TMOD1: variants seen among roughly 807,000 people sequenced by gnomAD.
The protein encoded by TMOD1 is tropomodulin-1.
In TMOD1, 17 loss-of-function variants were observed where a neutral mutation model predicts 40.6. The observed-to-expected ratio is 0.42, with a 90% CI of 0.29 to 0.63. The LOEUF is 0.63. Ranked by LOEUF, TMOD1 falls within the 20% of genes least tolerant of loss-of-function variation. The pLI is 0.22. For missense variants in TMOD1, 391 were observed against 447.6 expected (o/e 0.87, Z 1.14); for synonymous variants, 181 against 175.0 (o/e 1.03, Z -0.27).
intron 1 of TMOD1, among the ~76,000 whole-genome samples, chr9:97,516,019 C>T (rs1048302553): frequency 7.2e-5 from 11 of 152,276 alleles, no homozygotes; most frequent in African/African-American, 2.6e-4. Context: ...ACTAAGGAAG[C>T]TAAGCCCCCT....
At chr9:97,572,792 C>A (rs2131273290) in intron 8 of TMOD1, among the ~76,000 whole-genome samples, 1 of 152,258 alleles carries the variant, frequency 6.6e-6, no homozygotes, top group South Asian at 2.1e-4. Context: ...TTGGGGAGTT[C>A]TGCCCAGGGT....
chr9:97,559,043 G>A (rs1273222184), intron 4 of TMOD1, among the ~76,000 whole-genome samples: 1 of 152,136 alleles, frequency 6.6e-6, no homozygotes, highest in African/African-American at 2.4e-5. Flanking sequence ...TGTGCCAAAT[G>A]CACTTTCTAT....
intron 2 of TMOD1, among the ~76,000 whole-genome samples, chr9:97,527,089 TTC>T (rs889057538): frequency 1.1e-4 from 17 of 152,130 alleles, no homozygotes; most frequent in African/African-American, 3.4e-4. Context: ...AGCCTTGCAT[TTC>T]TCTTTCTTCC....
chr9:97,597,966 A>G (rs1158928373), intron 9 of TMOD1, among the ~76,000 whole-genome samples: 1 of 152,044 alleles, frequency 6.6e-6, no homozygotes, highest in Non-Finnish European at 1.5e-5. Flanking sequence ...ATGGATATGG[A>G]AACCCTACCC....
intron 8 of TMOD1, among the ~76,000 whole-genome samples, chr9:97,573,225 A>T (rs1830849637): frequency 6.6e-6 from 1 of 152,214 alleles, no homozygotes; most frequent in South Asian, 2.1e-4. Flanking sequence ...AACTCCCCAC[A>T]GAGCTGCTCT....
Position 97,599,731 on chromosome 9 carries a change from G to C in TMOD1, c.*33G>C, listed in dbSNP as rs1358946167. ...CGGTGGAGTCCATGCCTTTGAACTG[G>C]ATGTGTTCTATTGATGACCTGTGCT... On this transcript the variant is annotated 3_prime_UTR_variant, in exon 10 of 10. Coordinates refer to ENST00000259365, the MANE Select transcript of TMOD1 (RefSeq NM_003275.4). 1.2e-6 allele frequency: 2 copies of C among 1,613,904 alleles called. No individual in the cohort carries two copies. Among genetic ancestry groups the C allele is most frequent in the African/African-American group, 1.3e-5 (1 of 75,050 alleles).
chr9:97,520,706 G>A (rs1385853965), intron 1 of TMOD1, among the ~76,000 whole-genome samples: 3 of 152,328 alleles, frequency 2.0e-5, no homozygotes, highest in East Asian at 1.9e-4. Context: ...ACCTTGGGGT[G>A]TGTATGTGGT....
At chr9:97,539,984 A>AG (rs1830251121) in intron 2 of TMOD1, among the ~76,000 whole-genome samples, 1 of 151,492 alleles carries the variant, frequency 6.6e-6, no homozygotes, top group Non-Finnish European at 1.5e-5. Flanking sequence ...AAAAAAAAAA[A>AG]AAAAAAGAAA....
chr9:97,501,605 C>G (rs1829501665), upstream of TMOD1: 1 of 148,980 alleles, frequency 6.7e-6, no homozygotes, highest in Non-Finnish European at 1.5e-5. Context: ...ACAGCCGAGC[C>G]GGGCCCGCCC....
At chr9:97,570,997 A>G (rs913737491) in intron 8 of TMOD1, among the ~76,000 whole-genome samples, 12 of 152,250 alleles carry the variant, frequency 7.9e-5, no homozygotes, top group African/African-American at 2.9e-4. Context: ...GCTCATTCTC[A>G]GGCCCTCCCC....
chr9:97,564,175 T>A lies in TMOD1; in HGVS notation c.618+7T>A. ...TAACCTCAATAATATCCGGGTAAGG[T>A]CCATTTATTTCACTTTACCTGTGTG... is the stretch of plus-strand genomic sequence containing the variant. On this transcript the variant is annotated splice_region_variant and intron_variant, in intron 6 of 9. Transcript: ENST00000259365. 6.3e-7 allele frequency: 1 copy of A among 1,581,450 alleles called. No individual in the cohort carries two copies. Among genetic ancestry groups the A allele is most frequent in the Non-Finnish European group, 8.6e-7 (1 of 1,162,810 alleles).
intron 8 of TMOD1, among the ~76,000 whole-genome samples, chr9:97,587,947 G>T (rs1049563896): frequency 3.3e-5 from 5 of 152,118 alleles, no homozygotes; most frequent in Admixed American, 1.3e-4. Flanking sequence ...TTCCCTTTCT[G>T]ACTGAATAAT....
rs924277079 is a variant in TMOD1, at chr9:97,562,090, G to A, written c.398-642G>A. Reference sequence around the variant, plus strand: ...GAGCCTAGCACACAGTGCTGGGGTGGGCCTCATTACATGTTGAACAAATGA... The same window carrying A: ...GAGCCTAGCACACAGTGCTGGGGTGAGCCTCATTACATGTTGAACAAATGA... On this transcript the variant is annotated intron_variant, in intron 4 of 9. Transcript: ENST00000259365. Among the ~76,000 whole-genome samples the A allele has an allele frequency of 5.3e-5, 8 of 152,096 alleles. No individual in the cohort carries two copies. In the East Asian group the frequency reaches 1.5e-3, roughly 29 times the overall value.
chr9:97,503,170 C>T (rs1422822900), intron 1 of TMOD1, among the ~76,000 whole-genome samples: 7 of 152,204 alleles, frequency 4.6e-5, no homozygotes, highest in Admixed American at 4.6e-4. Flanking sequence ...CGCAGAGCCC[C>T]CTGCTCAAGG....
At chr9:97,598,769 C>T (rs923404750) in intron 9 of TMOD1, among the ~76,000 whole-genome samples, 1 of 152,176 alleles carries the variant, frequency 6.6e-6, no homozygotes, top group Non-Finnish European at 1.5e-5. Flanking sequence ...AGGTCTACCG[C>T]CTCAGCTTGG....
In TMOD1 at chr9:97,514,211, G is replaced by A. The variant is rs957107227; in HGVS notation, c.-48-9930G>A. ...CGAGTAGCTTGGATTACAGGTGCCC[G>A]CCACCACACCTGGCTAATGTTTTTT... On this transcript the variant is annotated intron_variant, in intron 1 of 9. Coordinates refer to ENST00000259365, the MANE Select transcript of TMOD1 (RefSeq NM_003275.4). 4.1e-5 allele frequency among the ~76,000 whole-genome samples: 6 copies of A among 146,856 alleles called. No homozygotes were observed. The South Asian group carries it at 6.8e-4, about 17-fold the overall frequency.
chr9:97,566,629 C>A (rs965871976), intron 7 of TMOD1, among the ~76,000 whole-genome samples: 9 of 151,948 alleles, frequency 5.9e-5, no homozygotes, highest in Admixed American at 2.6e-4. Flanking sequence ...CGAGATTGCA[C>A]CACTATACTC....
At chr9:97,508,675 T>C (rs1829642307) in intron 1 of TMOD1, among the ~76,000 whole-genome samples, 1 of 152,210 alleles carries the variant, frequency 6.6e-6, no homozygotes, top group African/African-American at 2.4e-5. Context: ...TGCCTGGATG[T>C]AAATCCTGGC....
chr9:97,553,524 C>A, intron 4 of TMOD1, 124 bp downstream of exon 4: 1 of 1,343,840 alleles, frequency 7.4e-7, no homozygotes, highest in Non-Finnish European at 1.0e-6. Context: ...CTAGAGGAGA[C>A]CGAGAGTGTT....
Sources: gnomAD v4.1 joint callset for allele counts (sites outside exome capture counted in the v4.1 genomes callset) on GRCh38, gnomAD v4.1.1 for gene constraint, MANE v1.5 for transcripts, NCBI Gene and HGNC (gene_info 2026-07-23, HGNC 2026-07-21) for gene names.